ZNF469: variants seen among roughly 807,000 people sequenced by gnomAD.
ZNF469 encodes the protein zinc finger protein 469.
In ZNF469, 1 loss-of-function variant was observed where a neutral mutation model predicts 1.0. That is an observed-to-expected ratio of 1.00 (90% CI 0.35 to 4.73). The LOEUF (loss-of-function observed/expected upper bound fraction) is 4.73, where lower values mean the gene tolerates loss of function less well. ZNF469 is among the 30% of genes most tolerant of loss of function. The pLI is 0.16. For synonymous variants in ZNF469, 2,703 were observed against 2,363.4 expected, an observed-to-expected ratio of 1.14 and a Z score of -4.17; for missense variants, 6,100 against 5,356.3, an observed-to-expected ratio of 1.14 and a Z score of -4.33.
the ZNF469 span, among the ~76,000 whole-genome samples, chr16:88,372,771 CCAT>C: frequency 6.7e-6 from 1 of 149,340 alleles, no homozygotes; most frequent in South Asian, 2.2e-4. Context: ...ACCATCTTCA[CCAT>C]CATCACCACC....
In ZNF469 at chr16:88,417,400, G is replaced by C. The variant is rs74477213; in HGVS notation, c.-191-7407G>C. ...TCTTTGGATTTTAAAGTGGGTTCTG[G>C]GGCTGTGGGCACCGTTGCCCATTCT... On this transcript the variant is annotated intron_variant, in intron 1 of 2. Coordinates refer to ENST00000565624, the MANE Select transcript of ZNF469 (RefSeq NM_001367624.2). 5.0e-3 allele frequency among the ~76,000 whole-genome samples: 766 copies of C among 152,304 alleles called. 9 individuals are homozygous for C. Among genetic ancestry groups the C allele is most frequent in the African/African-American group, 0.018 (735 of 41,558 alleles).
the ZNF469 span, among the ~76,000 whole-genome samples, chr16:88,166,078 C>A: frequency 1.3e-5 from 2 of 152,272 alleles, no homozygotes; most frequent in African/African-American, 4.8e-5. The surrounding 1 kb of genome is among the most constrained non-coding windows in gnomAD (Gnocchi z 4.5). Flanking sequence ...CCTTGTCCCA[C>A]GGTCACTGCG....
the ZNF469 span, among the ~76,000 whole-genome samples, chr16:88,128,868 C>T: frequency 2.6e-5 from 4 of 152,132 alleles, no homozygotes; most frequent in South Asian, 4.1e-4. Context: ...CAGAGCAGAG[C>T]GCAGGGCAGG....
chr16:88,421,275 A>G (rs1423635131), intron 1 of ZNF469, among the ~76,000 whole-genome samples: 2 of 152,154 alleles, frequency 1.3e-5, no homozygotes, highest in Non-Finnish European at 2.9e-5. Context: ...TTGGCCGGCT[A>G]AAGAGGGGCC....
the ZNF469 span, among the ~76,000 whole-genome samples, chr16:88,330,983 C>T: frequency 1.3e-5 from 2 of 152,116 alleles, no homozygotes; most frequent in Non-Finnish European, 2.9e-5. Flanking sequence ...CCATCGCCAC[C>T]ACCATCACCA....
At chr16:88,153,241 T>A in the ZNF469 span, among the ~76,000 whole-genome samples, 2 of 152,160 alleles carry the variant, frequency 1.3e-5, no homozygotes, top group Non-Finnish European at 2.9e-5. Flanking sequence ...GAGCCTCCAA[T>A]CAGGGTGTTC....
the ZNF469 span, among the ~76,000 whole-genome samples, chr16:88,123,991 C>T: frequency 5.9e-5 from 9 of 152,062 alleles, no homozygotes; most frequent in African/African-American, 1.4e-4. Context: ...TTAGTAGAGA[C>T]GGGGTTTCTC....
At chr16:88,389,753 G>A (rs1185020177) in intron 1 of ZNF469, among the ~76,000 whole-genome samples, 2 of 152,210 alleles carry the variant, frequency 1.3e-5, no homozygotes, top group African/African-American at 4.8e-5. Flanking sequence ...GAGTAGGGAA[G>A]TCAAGGCAAG....
the ZNF469 span, among the ~76,000 whole-genome samples, chr16:88,304,138 A>G: frequency 6.6e-6 from 1 of 152,170 alleles, no homozygotes; most frequent in East Asian, 1.9e-4. Context: ...CAACCTTCAC[A>G]TAGGACCCCT....
At position 88,435,410 on chromosome 16, in the gene ZNF469, G is replaced by C. The variant is rs953761268; in HGVS notation, c.7940G>C (p.Ser2647Thr). 1.9e-6 allele frequency: 3 copies of C among 1,550,330 alleles called. No individual in the cohort carries two copies. Among genetic ancestry groups the C allele is most frequent in the Non-Finnish European group, 2.6e-6 (3 of 1,146,996 alleles). ...AGAGGGAGAAGGCTCCGGGAGGAGA[G>C]CATTCTTCCAGTCTCTGCTGATGTG... ...KLRGRRLREE[S>T]ILPVSADVIS... Residue 2647 changes from serine to threonine, a missense_variant, in exon 3 of 3, where the codon AGC becomes ACC. Coordinates refer to ENST00000565624, the MANE Select transcript of ZNF469 (RefSeq NM_001367624.2).
chr16:88,185,601 T>C, the ZNF469 span, among the ~76,000 whole-genome samples: 58 of 150,550 alleles, frequency 3.9e-4, no homozygotes, highest in Admixed American at 2.2e-3. Flanking sequence ...CATACACATG[T>C]GCCCAGACCT....
At chr16:88,235,106 G>A in the ZNF469 span, among the ~76,000 whole-genome samples, 1 of 152,262 alleles carries the variant, frequency 6.6e-6, no homozygotes, top group South Asian at 2.1e-4. Context: ...CCGGCGCTGG[G>A]GCTGCTGCTG....
upstream of ZNF469, among the ~76,000 whole-genome samples, chr16:88,381,523 C>G (rs923246088): frequency 9.9e-5 from 15 of 152,222 alleles, no homozygotes; most frequent in Admixed American, 2.6e-4. Flanking sequence ...GGGTCTTTGT[C>G]CACAGCCAGG....
At chr16:88,406,910 C>G (rs1472382866) in intron 1 of ZNF469, among the ~76,000 whole-genome samples, 1 of 152,214 alleles carries the variant, frequency 6.6e-6, no homozygotes, top group Admixed American at 6.5e-5. Flanking sequence ...CAGCACCCCT[C>G]AGGTCACTCA....
At position 88,439,628 on chromosome 16, in the gene ZNF469, A is replaced by G. The variant is rs1906862405; in HGVS notation, c.*296A>G. The G allele has an allele frequency of 1.5e-5, 7 of 457,256 alleles. No homozygotes were observed. The highest frequency in any genetic ancestry group is 1.5e-4 in the South Asian group (7 of 46,982). The allele number at this position is 457,256 out of a possible 1,614,324, so 28.3% of individuals were successfully genotyped here. ...TGAAGAGACAGCAGCCCATCCCCTCAGCCCACACCCCTGCGCCCTGTGGGC... is the reference window on the plus strand; with the variant it reads ...TGAAGAGACAGCAGCCCATCCCCTCGGCCCACACCCCTGCGCCCTGTGGGC... On this transcript the variant is annotated 3_prime_UTR_variant, in exon 3 of 3. Transcript: ENST00000565624.
rs906300420 is a variant in ZNF469 at position 88,418,815 on chromosome 16, G to A, written c.-191-5992G>A. On this transcript the variant is annotated intron_variant, in intron 1 of 2. Coordinates refer to ENST00000565624, the MANE Select transcript of ZNF469 (RefSeq NM_001367624.2). ...TGCAAAGGTTTATCTGAGCACTCAGGTAACAGATAGTTTTTAAGCAAAGCG... is the reference window on the plus strand; with the variant it reads ...TGCAAAGGTTTATCTGAGCACTCAGATAACAGATAGTTTTTAAGCAAAGCG... Among the ~76,000 whole-genome samples the A allele has an allele frequency of 3.3e-5, 5 of 152,368 alleles. No individual in the cohort carries two copies. The East Asian group carries it at 7.7e-4, about 24-fold the overall frequency.
At chr16:88,183,986 C>T in the ZNF469 span, among the ~76,000 whole-genome samples, 2 of 151,972 alleles carry the variant, frequency 1.3e-5, no homozygotes, top group Non-Finnish European at 2.9e-5. Context: ...CAGCCCTTTC[C>T]CAGCTTTCTG....
At chr16:88,234,207 G>A in the ZNF469 span, among the ~76,000 whole-genome samples, 2 of 152,212 alleles carry the variant, frequency 1.3e-5, no homozygotes, top group African/African-American at 4.8e-5. Context: ...AGATCACTGC[G>A]TTTTTCTAGT....
At chr16:88,301,072 G>A in the ZNF469 span, among the ~76,000 whole-genome samples, 2 of 151,858 alleles carry the variant, frequency 1.3e-5, no homozygotes, top group African/African-American at 4.8e-5. Flanking sequence ...CAAAAAAAAA[G>A]AAAGAAAAGA....
Sources: gnomAD v4.1 joint callset for allele counts (sites outside exome capture counted in the v4.1 genomes callset) on GRCh38, gnomAD v4.1.1 for gene constraint, Gnocchi (gnomAD v3.1) non-coding constraint, MANE v1.5 for transcripts, NCBI Gene and HGNC (gene_info 2026-07-23, HGNC 2026-07-21) for gene names.